Variants in KIAA1217 observed in about 807,000 individuals in gnomAD.
KIAA1217 encodes KIAA1217, also known as sickle tail protein homolog.
A neutral mutation model predicts 163.9 loss-of-function variants in KIAA1217; 88 were observed. The observed-to-expected ratio is 0.54, with a 90% CI of 0.45 to 0.64. KIAA1217 has a LOEUF of 0.64. Among genes scored for constraint, KIAA1217 ranks in the 30% least tolerant of loss-of-function variants. The pLI is 0.00. For missense variants in KIAA1217, 2,372 were observed against 2,475.0 expected, an observed-to-expected ratio of 0.96 and a Z score of 0.88; for synonymous variants, 903 against 923.1, an observed-to-expected ratio of 0.98 and a Z score of 0.39.
chr10:23,841,912 G>A (rs1056278789), intron 1 of KIAA1217, among the ~76,000 whole-genome samples: 1 of 150,658 alleles, frequency 6.6e-6, no homozygotes, highest in Non-Finnish European at 1.5e-5. Flanking sequence ...GTGTCACCTA[G>A]GCTGGAGTTC....
intron 2 of KIAA1217, among the ~76,000 whole-genome samples, chr10:24,233,116 C>A (rs1326676363): frequency 6.6e-6 from 1 of 151,948 alleles, no homozygotes. Context: ...CAAAGCAAGA[C>A]CCTGTCTCAA....
At chr10:24,148,715 G>A (rs560901674) in intron 2 of KIAA1217, among the ~76,000 whole-genome samples, 1 of 152,124 alleles carries the variant, frequency 6.6e-6, no homozygotes, top group Non-Finnish European at 1.5e-5. Flanking sequence ...TGCCATGCTT[G>A]TACAGCTTGC....
At chr10:24,204,571 G>C (rs1037702130), upstream of KIAA1217, among the ~76,000 whole-genome samples, 1 of 152,180 alleles carries the variant, frequency 6.6e-6, no homozygotes, top group African/African-American at 2.4e-5. Flanking sequence ...GAAACCTAAG[G>C]CGCCCAGAGG....
intron 6 of KIAA1217, among the ~76,000 whole-genome samples, chr10:24,486,639 C>T (rs572578881): frequency 1.3e-5 from 2 of 152,312 alleles, no homozygotes; most frequent in African/African-American, 4.8e-5. Context: ...ACCTGCCCTT[C>T]CCACAGCCTA....
intron 2 of KIAA1217, among the ~76,000 whole-genome samples, chr10:24,108,402 G>A (rs1036502667): frequency 1.3e-5 from 2 of 152,114 alleles, no homozygotes; most frequent in African/African-American, 4.8e-5. Context: ...AGGGCTGGAG[G>A]GAAAATTTTT....
chr10:24,090,969 A>G (rs1022581475), intron 2 of KIAA1217, among the ~76,000 whole-genome samples: 1 of 151,834 alleles, frequency 6.6e-6, no homozygotes, highest in African/African-American at 2.4e-5. Flanking sequence ...ATTATATTAC[A>G]CTTATGATGG....
chr10:23,740,458 A>C (rs1564381306), intron 1 of KIAA1217, among the ~76,000 whole-genome samples: 1 of 152,130 alleles, frequency 6.6e-6, no homozygotes, highest in Non-Finnish European at 1.5e-5. Flanking sequence ...TCCCGGGCTT[A>C]AGCAATCCTC....
intron 1 of KIAA1217, among the ~76,000 whole-genome samples, chr10:23,728,269 A>G (rs1447162411): frequency 6.6e-6 from 1 of 152,162 alleles, no homozygotes; most frequent in African/African-American, 2.4e-5. Context: ...GAACTAATTT[A>G]CACTCCCACC....
At chr10:24,275,965 T>C (rs1479671538) in intron 2 of KIAA1217, among the ~76,000 whole-genome samples, 1 of 152,174 alleles carries the variant, frequency 6.6e-6, no homozygotes, top group Non-Finnish European at 1.5e-5. Context: ...CGATGTTGCA[T>C]TAAATAGCAA....
chr10:23,733,019 T>C (rs1838561684), intron 1 of KIAA1217, among the ~76,000 whole-genome samples: 1 of 145,340 alleles, frequency 6.9e-6, no homozygotes, highest in Admixed American at 6.9e-5. Context: ...GTGTATGTTT[T>C]TGTTTTTTTT....
intron 2 of KIAA1217, among the ~76,000 whole-genome samples, chr10:24,141,001 T>C (rs2064042421): frequency 6.6e-6 from 1 of 152,128 alleles, no homozygotes; most frequent in Non-Finnish European, 1.5e-5. Flanking sequence ...AAAGCCTGGA[T>C]AGAATGCATG....
At chr10:23,738,616 G>T (rs1588694153) in intron 1 of KIAA1217, among the ~76,000 whole-genome samples, 4 of 151,078 alleles carry the variant, frequency 2.6e-5, no homozygotes, top group Non-Finnish European at 5.9e-5. Flanking sequence ...CTTTAGAAAT[G>T]TTTTTTTTTC....
chr10:24,340,052 G>C (rs1241458667), intron 2 of KIAA1217, among the ~76,000 whole-genome samples: 1 of 152,208 alleles, frequency 6.6e-6, no homozygotes. Flanking sequence ...GGAAGGAAAA[G>C]GATGTCTAAC....
Position 24,449,813 on chromosome 10 carries a change from C to T in KIAA1217, c.846+11334C>T, listed in dbSNP as rs930660046. On this transcript the variant is annotated intron_variant, in intron 5 of 20. Coordinates refer to ENST00000376454, the MANE Select transcript of KIAA1217 (RefSeq NM_019590.5). ...GGATATTATCTTTAGAATCTTTTTT[C>T]ATGCTCTGGCACGTTTATCTTTCAT... 2.6e-5 allele frequency: 23 copies of T among 879,120 alleles called. No individual in the cohort carries two copies. The African/African-American group carries it at 4.2e-4, about 16-fold the overall frequency. The allele number at this position is 879,120 out of a possible 1,614,324, so 54.5% of individuals were successfully genotyped here.
chr10:23,749,476 T>C (rs1290163471), intron 1 of KIAA1217, among the ~76,000 whole-genome samples: 1 of 152,128 alleles, frequency 6.6e-6, no homozygotes, highest in Non-Finnish European at 1.5e-5. Flanking sequence ...GGCGCCATCT[T>C]GGCTCACTGC....
chr10:23,737,329 G>C (rs1838869733), intron 1 of KIAA1217, among the ~76,000 whole-genome samples: 1 of 151,988 alleles, frequency 6.6e-6, no homozygotes, highest in East Asian at 1.9e-4. Flanking sequence ...CTCCTGAGTA[G>C]CTGGGACTAC....
chr10:24,324,955 T>C (rs1159270252), intron 2 of KIAA1217, among the ~76,000 whole-genome samples: 1 of 152,128 alleles, frequency 6.6e-6, no homozygotes, highest in Admixed American at 6.6e-5. Context: ...ACTTGACCCC[T>C]TAGATACTGG....
chr10:24,337,035 G>A (rs2046432131), intron 2 of KIAA1217, among the ~76,000 whole-genome samples: 1 of 152,024 alleles, frequency 6.6e-6, no homozygotes, highest in Admixed American at 6.6e-5. Context: ...CAAAACACAG[G>A]CGACAAAAGA....
intron 1 of KIAA1217, among the ~76,000 whole-genome samples, chr10:23,925,452 C>T (rs1415556302): frequency 2.6e-5 from 4 of 152,230 alleles, no homozygotes; most frequent in Non-Finnish European, 4.4e-5. Flanking sequence ...CTTCTGCCCT[C>T]AACCCACCTC....
Sources: allele counts gnomAD v4.1 joint callset (sites outside exome capture counted in the v4.1 genomes callset), GRCh38; gene constraint gnomAD v4.1.1; transcripts MANE v1.5; gene names NCBI Gene and HGNC (gene_info 2026-07-23, HGNC 2026-07-21).